Variants in SEMA3D observed in about 807,000 individuals in gnomAD.
The protein encoded by SEMA3D is semaphorin 3D.
SEMA3D carries 84 observed loss-of-function variants against 100.1 expected under a neutral mutation model. That is an observed-to-expected ratio of 0.84 (90% CI 0.70 to 1.01). SEMA3D has a LOEUF of 1.01. Ranked by LOEUF, SEMA3D falls within the 50% of genes least tolerant of loss-of-function variation. SEMA3D has a pLI of 0.00. For synonymous variants in SEMA3D, 312 were observed against 320.7 expected (o/e 0.97, Z 0.29); for missense variants, 875 against 934.1 (o/e 0.94, Z 0.82).
At chr7:85,186,473 C>T (rs1424986814) in intron 1 of SEMA3D, among the ~76,000 whole-genome samples, 1 of 152,220 alleles carries the variant, frequency 6.6e-6, no homozygotes, top group Middle Eastern at 3.4e-3. Flanking sequence ...AAGCTGGCGC[C>T]GCGATTACTG....
At chr7:85,040,332 C>G (rs368201142) in intron 11 of SEMA3D, among the ~76,000 whole-genome samples, 1 of 151,868 alleles carries the variant, frequency 6.6e-6, no homozygotes, top group African/African-American at 2.4e-5. Context: ...CTCACAGATA[C>G]GTTTGTTCCT....
chr7:85,074,058 T>A (rs1297776712), intron 5 of SEMA3D, among the ~76,000 whole-genome samples: 1 of 152,220 alleles, frequency 6.6e-6, no homozygotes, highest in Non-Finnish European at 1.5e-5. Context: ...TATCTTTACA[T>A]AAATGTTACA....
chr7:85,134,133 T>TA (rs1291631123), intron 2 of SEMA3D, among the ~76,000 whole-genome samples: 1 of 152,014 alleles, frequency 6.6e-6, no homozygotes, highest in Middle Eastern at 3.2e-3. Context: ...ATTGAGCCTC[T>TA]ATGCACTGCC....
intron 1 of SEMA3D, among the ~76,000 whole-genome samples, chr7:85,175,255 A>G (rs1791194431): frequency 6.6e-6 from 1 of 152,180 alleles, no homozygotes; most frequent in Non-Finnish European, 1.5e-5. Context: ...GAAATATGAA[A>G]AGACACGTGA....
intron 1 of SEMA3D, among the ~76,000 whole-genome samples, chr7:85,163,460 GA>G (rs200188032): frequency 3.6e-4 from 52 of 145,868 alleles, no homozygotes; most frequent in East Asian, 3.4e-3. Context: ...ATGGAATCTG[GA>G]AAAAAAAAGG....
At chr7:85,124,310 CA>C (rs1355203391) in intron 2 of SEMA3D, among the ~76,000 whole-genome samples, 1 of 151,792 alleles carries the variant, frequency 6.6e-6, no homozygotes, top group Non-Finnish European at 1.5e-5. Flanking sequence ...TGCTTTTATA[CA>C]AATTCCAATA....
chr7:85,083,858 A>C (rs1788138787), intron 4 of SEMA3D, among the ~76,000 whole-genome samples: 1 of 143,028 alleles, frequency 7.0e-6, no homozygotes, highest in Admixed American at 7.1e-5. Context: ...AAAAAAAAAA[A>C]TTGCATCGGC....
chr7:85,217,568 T>A, the SEMA3D span, among the ~76,000 whole-genome samples: 2 of 152,022 alleles, frequency 1.3e-5, no homozygotes, highest in Non-Finnish European at 2.9e-5. Context: ...ATTTAGCCAA[T>A]GGACTGGAGG....
intron 16 of SEMA3D, among the ~76,000 whole-genome samples, chr7:85,013,522 T>C (rs1368097068): frequency 6.6e-6 from 1 of 151,714 alleles, no homozygotes; most frequent in African/African-American, 2.4e-5. Context: ...TTAAAAAAAA[T>C]CCCTGCTACA....
intron 9 of SEMA3D, among the ~76,000 whole-genome samples, chr7:85,052,106 C>T (rs1210999312): frequency 2.0e-5 from 3 of 151,872 alleles, no homozygotes; most frequent in African/African-American, 7.2e-5. Flanking sequence ...TACATATACA[C>T]CTACATATAC....
At chr7:85,141,064 A>G (rs1241798958) in intron 2 of SEMA3D, 1 of 885,694 alleles carries the variant, frequency 1.1e-6, no homozygotes, top group Admixed American at 6.2e-5. Context: ...CTATGTTTTC[A>G]TTTTATTTAA....
chr7:85,005,777 C>T (rs1789779554), intron 18 of SEMA3D, among the ~76,000 whole-genome samples: 1 of 151,918 alleles, frequency 6.6e-6, no homozygotes, highest in African/African-American at 2.4e-5. Context: ...GGCCACCCAC[C>T]CACCCAGCTG....
chr7:85,137,574 C>T (rs535148375), intron 2 of SEMA3D, among the ~76,000 whole-genome samples: 23 of 152,170 alleles, frequency 1.5e-4, no homozygotes, highest in African/African-American at 5.1e-4. Flanking sequence ...CACCGAGTTC[C>T]TCTGATTGAA....
chr7:85,208,851 G>T, the SEMA3D span, among the ~76,000 whole-genome samples: 1 of 151,900 alleles, frequency 6.6e-6, no homozygotes. Context: ...GAAAATACAC[G>T]CAATACTACA....
At chr7:85,016,537 T>A (rs1228983223) in intron 15 of SEMA3D, among the ~76,000 whole-genome samples, 1 of 151,524 alleles carries the variant, frequency 6.6e-6, no homozygotes, top group African/African-American at 2.4e-5. Context: ...CTAATCTATT[T>A]CCTCCCCTCC....
intron 15 of SEMA3D, among the ~76,000 whole-genome samples, chr7:85,015,707 A>C (rs1790079075): frequency 6.6e-6 from 1 of 151,828 alleles, no homozygotes; most frequent in Non-Finnish European, 1.5e-5. Flanking sequence ...GTGAGTTATT[A>C]GTGGGAGAGA....
intron 1 of SEMA3D, chr7:85,162,937 G>A (rs1251369718): frequency 1.6e-5 from 5 of 307,548 alleles, no homozygotes; most frequent in Non-Finnish European, 2.4e-5. Context: ...AGAAGTAAAG[G>A]AACTGAGTCA....
intron 6 of SEMA3D, among the ~76,000 whole-genome samples, chr7:85,069,439 T>C (rs1791713195): frequency 6.6e-6 from 1 of 152,130 alleles, no homozygotes; most frequent in Non-Finnish European, 1.5e-5. Context: ...TATAATCTAC[T>C]GGAAATAGGA....
intron 5 of SEMA3D, among the ~76,000 whole-genome samples, chr7:85,078,289 GA>G (rs200168938): frequency 0.018 from 2,707 of 149,762 alleles, 88 homozygotes; most frequent in African/African-American, 0.063. Context: ...AAAAAAGGAA[GA>G]AAAAAAGAAA....
Sources: gnomAD v4.1 joint callset for allele counts (sites outside exome capture counted in the v4.1 genomes callset) on GRCh38, gnomAD v4.1.1 for gene constraint, MANE v1.5 for transcripts, NCBI Gene and HGNC (gene_info 2026-07-23, HGNC 2026-07-21) for gene names.